ZSCAN25: variants seen among roughly 807,000 people sequenced by gnomAD.
ZSCAN25 encodes the protein zinc finger and SCAN domain containing 25, also known as zinc finger and SCAN domain-containing protein 25.
In ZSCAN25, 27 loss-of-function variants were observed where a neutral mutation model predicts 38.7. That is an observed-to-expected ratio of 0.70 (90% CI 0.51 to 0.96). The LOEUF is 0.96. Ranked by LOEUF, ZSCAN25 falls within the 40% of genes least tolerant of loss-of-function variation. The probability of loss-of-function intolerance (pLI) is 0.00; values close to 1 mark genes in which losing one functional copy is unlikely to be tolerated. For synonymous variants in ZSCAN25, 273 were observed against 277.7 expected (o/e 0.98, Z 0.17); for missense variants, 637 against 705.9 (o/e 0.90, Z 1.11).
chr7:99,674,555 T>C, the ZSCAN25 span: 1 of 1,613,808 alleles, frequency 6.2e-7, no homozygotes, highest in South Asian at 1.1e-5. Context: ...CCATACTTTT[T>C]ATAGCACTCT....
downstream of ZSCAN25, among the ~76,000 whole-genome samples, chr7:99,633,689 G>C (rs958803138): frequency 1.2e-4 from 19 of 152,166 alleles, no homozygotes; most frequent in African/African-American, 3.9e-4. Flanking sequence ...CCTTGGCCTT[G>C]CAAAGTATTG....
chr7:99,648,051 G>T, the ZSCAN25 span: 11 of 1,100,340 alleles, frequency 1.0e-5, no homozygotes, highest in Non-Finnish European at 1.2e-5. Context: ...GTGGGTAGAG[G>T]TAGTCCTATG....
chr7:99,650,033 TAAA>T, the ZSCAN25 span: 1 of 1,609,224 alleles, frequency 6.2e-7, no homozygotes, highest in African/African-American at 1.3e-5. Context: ...ACCCTTCAGT[TAAA>T]AAAATTCTTA....
chr7:99,717,509 C>A, the ZSCAN25 span: 1 of 1,613,264 alleles, frequency 6.2e-7, no homozygotes, highest in Non-Finnish European at 8.5e-7. Flanking sequence ...TAATTAAAAC[C>A]CAAGTTATTT....
the ZSCAN25 span, among the ~76,000 whole-genome samples, chr7:99,723,027 T>TA: frequency 0.78 from 118,283 of 150,916 alleles, 48,366 homozygotes; most frequent in Non-Finnish European, 0.91. Context: ...CACTGAAACT[T>TA]AAAAAAAAAC....
the ZSCAN25 span, among the ~76,000 whole-genome samples, chr7:99,658,593 G>A: frequency 6.6e-6 from 1 of 152,198 alleles, no homozygotes; most frequent in African/African-American, 2.4e-5. Flanking sequence ...TATCTTTGTG[G>A]CGTTCTCTGT....
At chr7:99,689,213 T>C in the ZSCAN25 span, among the ~76,000 whole-genome samples, 12 of 152,146 alleles carry the variant, frequency 7.9e-5, no homozygotes, top group African/African-American at 2.4e-4. Context: ...CTTCAAAAAA[T>C]TAATGAATCC....
chr7:99,680,170 G>C, the ZSCAN25 span: 4 of 406,552 alleles, frequency 9.8e-6, no homozygotes, highest in South Asian at 1.3e-4. Flanking sequence ...AGGGTTCTGG[G>C]TTCTTATCAG....
At chr7:99,626,755 C>A (rs1306972234) in intron 7 of ZSCAN25, among the ~76,000 whole-genome samples, 1 of 152,212 alleles carries the variant, frequency 6.6e-6, no homozygotes, top group African/African-American at 2.4e-5. Context: ...AAAATAATAT[C>A]ATGAACCATT....
At chr7:99,708,567 C>T in the ZSCAN25 span, among the ~76,000 whole-genome samples, 1 of 152,074 alleles carries the variant, frequency 6.6e-6, no homozygotes, top group Non-Finnish European at 1.5e-5. Flanking sequence ...TTTACACAGG[C>T]ATATGATGCT....
At chr7:99,701,574 G>A in the ZSCAN25 span, among the ~76,000 whole-genome samples, 41 of 152,288 alleles carry the variant, frequency 2.7e-4, 1 homozygote, top group Middle Eastern at 3.4e-3. Flanking sequence ...AACAGTGTAC[G>A]AGAATTCCCT....
At chr7:99,669,733 G>A in the ZSCAN25 span, among the ~76,000 whole-genome samples, 5 of 152,146 alleles carry the variant, frequency 3.3e-5, no homozygotes, top group African/African-American at 4.8e-5. Context: ...TGAAGAAATC[G>A]AAATGTCACC....
chr7:99,670,309 T>C, the ZSCAN25 span, among the ~76,000 whole-genome samples: 1 of 152,144 alleles, frequency 6.6e-6, no homozygotes, highest in Non-Finnish European at 1.5e-5. Context: ...GAAAACCAAC[T>C]TAACAATACA....
At chr7:99,717,353 G>A in the ZSCAN25 span, 12 of 1,605,822 alleles carry the variant, frequency 7.5e-6, no homozygotes, top group South Asian at 1.2e-4. Flanking sequence ...GGAACAATAA[G>A]TGACATTGTA....
At chr7:99,649,490 G>A in the ZSCAN25 span, among the ~76,000 whole-genome samples, 11 of 152,196 alleles carry the variant, frequency 7.2e-5, no homozygotes, top group African/African-American at 2.4e-4. Context: ...CCTGCTCTAT[G>A]GTAGTCCTTC....
chr7:99,641,119 A>G, the ZSCAN25 span, among the ~76,000 whole-genome samples: 12 of 152,318 alleles, frequency 7.9e-5, no homozygotes, highest in East Asian at 1.9e-4. Context: ...TACCTCCTGT[A>G]TTAGTCTGTT....
the ZSCAN25 span, among the ~76,000 whole-genome samples, chr7:99,681,110 C>T: frequency 6.6e-6 from 1 of 152,204 alleles, no homozygotes; most frequent in Non-Finnish European, 1.5e-5. Flanking sequence ...CAGTTCCATC[C>T]ATATTATTAC....
chr7:99,704,130 A>T, the ZSCAN25 span, among the ~76,000 whole-genome samples: 8 of 152,100 alleles, frequency 5.3e-5, no homozygotes, highest in Non-Finnish European at 7.3e-5. Flanking sequence ...TGTTCATTGC[A>T]TTTAGACAGT....
chr7:99,687,452 C>A, the ZSCAN25 span, among the ~76,000 whole-genome samples: 1 of 151,838 alleles, frequency 6.6e-6, no homozygotes, highest in Non-Finnish European at 1.5e-5. Flanking sequence ...TGAAATAAAG[C>A]GAGAAGGGAA....
Sources: gnomAD v4.1 joint callset for allele counts (sites outside exome capture counted in the v4.1 genomes callset) on GRCh38, gnomAD v4.1.1 for gene constraint, MANE v1.5 for transcripts, NCBI Gene and HGNC (gene_info 2026-07-23, HGNC 2026-07-21) for gene names.